The following FBXO21 variants were observed in gnomAD, a reference collection of about 807,000 sequenced individuals.
FBXO21 encodes F-box protein 21.
Under a neutral mutation model 76.6 loss-of-function variants are expected in FBXO21, and 32 were observed. The observed-to-expected ratio is 0.42, with a 90% CI of 0.32 to 0.56. FBXO21 has a LOEUF of 0.56. Ranked by LOEUF, FBXO21 falls within the 20% of genes least tolerant of loss-of-function variation. The pLI, the probability that FBXO21 is intolerant of heterozygous loss-of-function variation, is 0.16. For missense variants in FBXO21, 586 were observed against 797.3 expected, an observed-to-expected ratio of 0.73 and a Z score of 3.19; for synonymous variants, 328 against 311.5, an observed-to-expected ratio of 1.05 and a Z score of -0.56.
intron 11 of FBXO21, among the ~76,000 whole-genome samples, chr12:117,150,871 C>CTCTGTGTGTGTGTG (rs1555239212): frequency 7.8e-6 from 1 of 127,630 alleles, no homozygotes; most frequent in African/African-American, 3.0e-5. Flanking sequence ...TGGCCATGGA[C>CTCTGTGTGTGTGTG]TGTGTGTGTG....
chr12:117,172,056 G>T (rs1488116638), intron 7 of FBXO21, among the ~76,000 whole-genome samples: 1 of 152,094 alleles, frequency 6.6e-6, no homozygotes, highest in Non-Finnish European at 1.5e-5. Flanking sequence ...CAAAGGGGGA[G>T]ATTTTACGGA....
At chr12:117,179,735 C>CTGT (rs1481227612) in intron 3 of FBXO21, among the ~76,000 whole-genome samples, 3 of 152,174 alleles carry the variant, frequency 2.0e-5, no homozygotes, top group African/African-American at 7.2e-5. Context: ...ATGTCTTGAT[C>CTGT]TGTTCATTCA....
At chr12:117,179,953 A>G (rs957676639) in intron 3 of FBXO21, among the ~76,000 whole-genome samples, 2 of 144,664 alleles carry the variant, frequency 1.4e-5, no homozygotes, top group Non-Finnish European at 3.1e-5. Flanking sequence ...AAAGGTGACC[A>G]ATTAATTTTT....
chr12:117,148,659 C>T (rs1316430868), intron 11 of FBXO21, among the ~76,000 whole-genome samples: 7 of 152,226 alleles, frequency 4.6e-5, no homozygotes, highest in Non-Finnish European at 8.8e-5. Context: ...TCTGCTGTTG[C>T]GTGGGCTGCC....
chr12:117,155,469 C>CT (rs1484908635), intron 11 of FBXO21: 22 of 316,098 alleles, frequency 7.0e-5, no homozygotes, highest in East Asian at 4.5e-4. Flanking sequence ...CCCTTCTAGT[C>CT]TGGGAGGAGC....
At position 117,142,216 on chromosome 12, in the gene FBXO21, G is replaced by A. The variant is rs1254990049; in HGVS notation, c.*3871C>T. 1 of 152,172 alleles carries A rather than the reference G, an allele frequency of 6.6e-6. No individual in the cohort carries two copies. Among genetic ancestry groups the A allele is most frequent in the African/African-American group, 2.4e-5 (1 of 41,428 alleles). The allele number at this position is 152,172 out of a possible 1,614,324, so 9.4% of individuals were successfully genotyped here. On this transcript the variant is annotated 3_prime_UTR_variant, in exon 12 of 12. Coordinates refer to ENST00000622495, the MANE Select transcript of FBXO21 (RefSeq NM_015002.3). ...GTAGTTGCTTGCGCCGCAGAGTGTG[G>A]GTGTGAACAGCTGGAGCTCAGTGGT...
At chr12:117,167,479 G>A (rs1001071121) in intron 7 of FBXO21, among the ~76,000 whole-genome samples, 1 of 152,156 alleles carries the variant, frequency 6.6e-6, no homozygotes. Context: ...GGGCGTGGTG[G>A]CTCACACCTG....
intron 11 of FBXO21, among the ~76,000 whole-genome samples, chr12:117,151,288 C>G (rs1955840094): frequency 6.6e-6 from 1 of 152,096 alleles, no homozygotes; most frequent in Non-Finnish European, 1.5e-5. Context: ...AAGCGCGCCC[C>G]CTTGTGGGAA....
chr12:117,174,995 TA>T (rs138433024), intron 4 of FBXO21, among the ~76,000 whole-genome samples, 198 bp from the exon 5 acceptor site: 176 of 147,462 alleles, frequency 1.2e-3, no homozygotes, highest in African/African-American at 3.1e-3. Flanking sequence ...GCTTTAACTT[TA>T]AAAAAAAAAA....
At chr12:117,162,171 T>C (rs1233177667) in intron 9 of FBXO21, among the ~76,000 whole-genome samples, 1 of 152,118 alleles carries the variant, frequency 6.6e-6, no homozygotes, top group African/African-American at 2.4e-5. Flanking sequence ...GGTGTTTGCC[T>C]TGGAAAATTG....
At chr12:117,156,072 A>G in intron 10 of FBXO21, 124 bp from the exon 11 acceptor site, 2 of 818,476 alleles carry the variant, frequency 2.4e-6, no homozygotes, top group Non-Finnish European at 2.0e-6. Context: ...ATCATTTTTC[A>G]GGACACCCCT....
chr12:117,186,638 T>TAAA, intron 2 of FBXO21, 67 bp from the exon 3 acceptor site: 5 of 1,027,682 alleles, frequency 4.9e-6, no homozygotes, highest in Non-Finnish European at 7.5e-6. Context: ...CTCTCACAAA[T>TAAA]TTGAGCTGAA....
intron 11 of FBXO21, among the ~76,000 whole-genome samples, chr12:117,149,164 ATT>A (rs1955811448): frequency 6.6e-6 from 1 of 151,510 alleles, no homozygotes; most frequent in Non-Finnish European, 1.5e-5. Flanking sequence ...TGGCCTTTGG[ATT>A]TTCTTTTCTT....
chr12:117,185,438 C>T (rs759132127), intron 3 of FBXO21, among the ~76,000 whole-genome samples: 2 of 152,198 alleles, frequency 1.3e-5, no homozygotes, highest in Non-Finnish European at 2.9e-5. Context: ...GTTAAACTAA[C>T]ATTCTTATCT....
intron 7 of FBXO21, among the ~76,000 whole-genome samples, chr12:117,167,584 C>CA (rs376088371): frequency 1.2e-4 from 18 of 151,928 alleles, no homozygotes; most frequent in Non-Finnish European, 2.1e-4. Flanking sequence ...CCGGTCTCTA[C>CA]AAAAAAATTG....
rs556619823 is a variant in FBXO21 at position 117,142,827 on chromosome 12, A to G, written c.*3260T>C. 1.5e-4 allele frequency: 23 copies of G among 152,328 alleles called. No homozygotes were observed. The highest frequency in any genetic ancestry group is 5.3e-4 in the African/African-American group (22 of 41,572). The allele number at this position is 152,328 out of a possible 1,614,324, so 9.4% of individuals were successfully genotyped here. ...GGAGGGGAAAGCAAAGAGATGCGAC[A>G]TCAGCAGCAGAAAGCCTGCGACACG... On this transcript the variant is annotated 3_prime_UTR_variant, in exon 12 of 12. Coordinates refer to ENST00000622495, the MANE Select transcript of FBXO21 (RefSeq NM_015002.3).
chr12:117,175,136 T>C (rs1414510470), intron 4 of FBXO21, among the ~76,000 whole-genome samples: 3 of 152,194 alleles, frequency 2.0e-5, no homozygotes, highest in African/African-American at 7.2e-5. Flanking sequence ...TCTCTCTCCC[T>C]AGCTGTTATA....
chr12:117,180,077 A>G (rs1187935260), intron 3 of FBXO21, among the ~76,000 whole-genome samples: 2 of 152,200 alleles, frequency 1.3e-5, no homozygotes. Context: ...GCCTCTTCAT[A>G]TTGGTTCCTC....
chr12:117,167,172 C>A, intron 7 of FBXO21, 95 bp from the exon 8 acceptor site: 2 of 914,616 alleles, frequency 2.2e-6, no homozygotes, highest in East Asian at 2.6e-5. Flanking sequence ...AAGGTTGAGA[C>A]CATAACATTT....
Sources: allele counts gnomAD v4.1 joint callset (sites outside exome capture counted in the v4.1 genomes callset), GRCh38; gene constraint gnomAD v4.1.1; transcripts MANE v1.5; gene names NCBI Gene and HGNC (gene_info 2026-07-23, HGNC 2026-07-21).